Variants in MTFR1 observed in about 807,000 individuals in gnomAD.
The protein encoded by MTFR1 is mitochondrial fission regulator 1, also known as chondrocyte protein with a poly-proline region.
MTFR1 carries 28 observed loss-of-function variants against 38.8 expected under a neutral mutation model. The ratio of observed to expected loss-of-function variants is 0.72; its 90% CI spans 0.53 to 0.99. MTFR1 has a LOEUF of 0.99. MTFR1 is among the 50% of genes least tolerant of loss of function. The pLI is 0.00. For missense variants in MTFR1, 358 were observed against 395.5 expected, an observed-to-expected ratio of 0.91 and a Z score of 0.81; for synonymous variants, 145 against 137.0, an observed-to-expected ratio of 1.06 and a Z score of -0.41.
At chr8:65,746,354 G>C (rs545140374) in intron 3 of MTFR1, among the ~76,000 whole-genome samples, 33 of 152,146 alleles carry the variant, frequency 2.2e-4, no homozygotes, top group Non-Finnish European at 3.8e-4. Context: ...CTAGAACCTA[G>C]GCATCTGACA....
intron 1 of MTFR1, among the ~76,000 whole-genome samples, chr8:65,661,341 C>T (rs1168094625): frequency 6.6e-6 from 1 of 152,192 alleles, no homozygotes; most frequent in East Asian, 1.9e-4. Context: ...TTTTGCTGTA[C>T]ATTTAAACTG....
intron 5 of MTFR1, 59 bp from the exon 6 acceptor site, chr8:65,706,951 C>CT: frequency 6.6e-7 from 1 of 1,508,602 alleles, no homozygotes; most frequent in Admixed American, 2.3e-5. Flanking sequence ...CTTTTAAAAA[C>CT]TGATATTTTC....
At chr8:65,658,516 T>A (rs993316234) in intron 1 of MTFR1, among the ~76,000 whole-genome samples, 7 of 152,330 alleles carry the variant, frequency 4.6e-5, no homozygotes, top group Non-Finnish European at 8.8e-5. Flanking sequence ...AATTTGCTAT[T>A]TCTTATACTC....
At chr8:65,742,880 AC>A (rs1166978820) in intron 3 of MTFR1, among the ~76,000 whole-genome samples, 1 of 152,218 alleles carries the variant, frequency 6.6e-6, no homozygotes, top group Admixed American at 6.5e-5. Flanking sequence ...CTAGTTAGCC[AC>A]CCTGTCCACA....
At chr8:65,754,822 GGGCATGGT>G (rs1430123493) in intron 3 of MTFR1, among the ~76,000 whole-genome samples, 1 of 149,078 alleles carries the variant, frequency 6.7e-6, no homozygotes, top group Non-Finnish European at 1.5e-5. Flanking sequence ...AAAATAAGCT[GGGCATGGT>G]GGCATGCACC....
At chr8:65,707,779 A>AC in intron 6 of MTFR1, 64 bp from the exon 7 acceptor site, 1 of 1,564,008 alleles carries the variant, frequency 6.4e-7, no homozygotes, top group Non-Finnish European at 8.6e-7. Flanking sequence ...AGGTTGACAA[A>AC]GTACTTCCCT....
intron 3 of MTFR1, among the ~76,000 whole-genome samples, chr8:65,683,916 A>G (rs976747271): frequency 6.6e-6 from 1 of 152,196 alleles, no homozygotes; most frequent in Non-Finnish European, 1.5e-5. Context: ...TTAGACATGA[A>G]CTGCTCTTAT....
downstream of MTFR1, among the ~76,000 whole-genome samples, chr8:65,773,503 C>G (rs950769260): frequency 6.6e-6 from 1 of 152,222 alleles, no homozygotes; most frequent in African/African-American, 2.4e-5. Flanking sequence ...TTCCACATCA[C>G]TGGATCAGGA....
At chr8:65,664,934 T>A (rs374585779) in intron 1 of MTFR1, among the ~76,000 whole-genome samples, 36 of 62,126 alleles carry the variant, frequency 5.8e-4, no homozygotes, top group Admixed American at 3.2e-3. Context: ...TAAAAAAAAA[T>A]TTTTTTTTTT....
intron 5 of MTFR1, among the ~76,000 whole-genome samples, chr8:65,706,110 G>C (rs992734647): frequency 2.6e-5 from 4 of 152,198 alleles, no homozygotes; most frequent in African/African-American, 9.7e-5. Flanking sequence ...GGCAGAGGTG[G>C]GTGGGGGTGG....
chr8:65,751,874 C>A (rs1353301945), intron 3 of MTFR1, among the ~76,000 whole-genome samples: 2 of 152,154 alleles, frequency 1.3e-5, no homozygotes, highest in African/African-American at 2.4e-5. Context: ...TATTTTACAA[C>A]CTGTTCTGCA....
rs540558542 is a variant in MTFR1 at position 65,749,014 on chromosome 8, C to T, written c.*49-21933C>T. ...CATTTCCTTAGCCTGGAAGAGAAGGCTTCACGCTCCAAGTCTGGCTCTTTG... is the reference window on the plus strand; with the variant it reads ...CATTTCCTTAGCCTGGAAGAGAAGGTTTCACGCTCCAAGTCTGGCTCTTTG... On this transcript the variant is annotated intron_variant, in intron 3 of 3. Transcript: ENST00000521247. Among the ~76,000 whole-genome samples, 19 of 152,296 alleles carry T rather than the reference C, an allele frequency of 1.2e-4. No individual in the cohort carries two copies. The South Asian group carries it at 3.5e-3, about 28-fold the overall frequency.
chr8:65,741,173 T>G (rs1271466868), intron 3 of MTFR1, among the ~76,000 whole-genome samples: 2 of 152,236 alleles, frequency 1.3e-5, no homozygotes, highest in Non-Finnish European at 2.9e-5. Flanking sequence ...TTTTAACAAT[T>G]AAATAGACCA....
chr8:65,750,446 CTGTA>C (rs1193034256), intron 3 of MTFR1, among the ~76,000 whole-genome samples: 2 of 150,526 alleles, frequency 1.3e-5, no homozygotes, highest in Non-Finnish European at 3.0e-5. Flanking sequence ...TAGGATCACA[CTGTA>C]TGTATATATG....
chr8:65,707,723 G>A, intron 6 of MTFR1, 120 bp from the exon 7 acceptor site: 2 of 1,244,442 alleles, frequency 1.6e-6, no homozygotes, highest in Non-Finnish European at 2.2e-6. Flanking sequence ...TATTTATCAG[G>A]TCTCTATGGA....
Position 65,707,827 on chromosome 8 carries a change from T to C in MTFR1, c.765-16T>C. 1 of 1,611,590 alleles carries C rather than the reference T, an allele frequency of 6.2e-7. No individual in the cohort carries two copies. Among genetic ancestry groups the C allele is most frequent in the East Asian group, 2.2e-5 (1 of 44,858 alleles). ...TGTATTGATCTGTCCCCTTGGTTTG[T>C]GTTCACTTCTCTAAGGTCAGAGCAA... On this transcript the variant is annotated splice_polypyrimidine_tract_variant and intron_variant, in intron 6 of 7. Coordinates refer to ENST00000262146, the MANE Select transcript of MTFR1 (RefSeq NM_014637.4).
intron 3 of MTFR1, among the ~76,000 whole-genome samples, chr8:65,749,358 C>T (rs987524264): frequency 1.3e-5 from 2 of 152,136 alleles, no homozygotes; most frequent in African/African-American, 4.8e-5. Flanking sequence ...CCCATACACA[C>T]AAATAAACAG....
At chr8:65,707,747 T>TGACA in intron 6 of MTFR1, 96 bp from the exon 7 acceptor site, 8 of 1,463,282 alleles carry the variant, frequency 5.5e-6, no homozygotes, top group Non-Finnish European at 7.4e-6. Flanking sequence ...GCTATGATGC[T>TGACA]GGAGAGGTGC....
chr8:65,747,950 A>G, intron 3 of MTFR1: 1 of 484,766 alleles, frequency 2.1e-6, no homozygotes, highest in Non-Finnish European at 3.6e-6. Flanking sequence ...GTGATACTTT[A>G]TTTCTATTTT....
Sources: allele counts gnomAD v4.1 joint callset (sites outside exome capture counted in the v4.1 genomes callset), GRCh38; gene constraint gnomAD v4.1.1; transcripts MANE v1.5; gene names NCBI Gene and HGNC (gene_info 2026-07-23, HGNC 2026-07-21).